Variants in CDK10 observed in about 807,000 individuals in gnomAD.
CDK10 encodes the protein cyclin dependent kinase 10.
In CDK10, 55 loss-of-function variants were observed where a neutral mutation model predicts 51.0. The observed-to-expected ratio is 1.08, with a 90% CI of 0.87 to 1.35. The LOEUF is 1.35. CDK10 is among the 40% of genes most tolerant of loss of function. The pLI, the probability that CDK10 is intolerant of heterozygous loss-of-function variation, is 0.00. For synonymous variants in CDK10, 255 were observed against 199.1 expected (o/e 1.28, Z -2.36); for missense variants, 589 against 485.1 (o/e 1.21, Z -2.01).
chr16:89,687,046 C>T (rs1307856362), intron 1 of CDK10: 2 of 407,868 alleles, frequency 4.9e-6, no homozygotes, highest in East Asian at 4.0e-5. Flanking sequence ...GAGAGACGGG[C>T]CCGGGACTTG....
chr16:89,692,463 G>A lies in CDK10; in HGVS notation c.432G>A (p.Val144=). The change falls in exon 6 of 13, where the codon GTG becomes GTA. Residue 144 remains valine, a synonymous_variant. Transcript: ENST00000353379. The part of the protein sequence containing the change: ...PFSEAQVKCI[V]LQVLRGLQYL... ...CCTCTGCACAGGTCAAGTGCATCGT[G>A]CTGCAGGTGCTCCGGGGCCTCCAGT... is the stretch of plus-strand genomic sequence containing the variant. 2 of 1,595,962 alleles carry A rather than the reference G, an allele frequency of 1.3e-6. No individual in the cohort carries two copies. Among genetic ancestry groups the A allele is most frequent in the Non-Finnish European group, 1.7e-6 (2 of 1,170,994 alleles).
chr16:89,695,314 G>A lies in CDK10; in HGVS notation c.954G>A (p.Leu318=), dbSNP rs774866959. The A allele has an allele frequency of 1.9e-6, 3 of 1,612,330 alleles. No homozygotes were observed. Among genetic ancestry groups the A allele is most frequent in the Non-Finnish European group, 2.5e-6 (3 of 1,179,052 alleles). ...PKKRATAGDC[L]ESSYFKEKPL... ...CCAGGGCGACGGCCGGGGACTGCCT[G>A]GAGAGCTCCTATTTCAAGGAGAAGC... The change falls in exon 12 of 13, where the codon CTG becomes CTA. Residue 318 remains leucine (L), a synonymous_variant. Coordinates refer to ENST00000353379, the MANE Select transcript of CDK10 (RefSeq NM_052988.5).
intron 1 of CDK10, among the ~76,000 whole-genome samples, chr16:89,688,435 A>G (rs1416011198): frequency 6.6e-6 from 1 of 151,930 alleles, no homozygotes; most frequent in African/African-American, 2.4e-5. Context: ...TAGTTCAGAG[A>G]CCCCAAAATA....
intron 12 of CDK10, 95 bp downstream of exon 12, chr16:89,695,440 C>A: frequency 6.8e-7 from 1 of 1,479,626 alleles, no homozygotes; most frequent in South Asian, 1.2e-5. Flanking sequence ...GCTGCCCTCA[C>A]TGACGGCACA....
At chr16:89,694,605 T>C in intron 9 of CDK10, 60 bp from the exon 10 acceptor site, 1 of 1,552,406 alleles carries the variant, frequency 6.4e-7, no homozygotes, top group Non-Finnish European at 8.7e-7. Flanking sequence ...GGTCCTCTGT[T>C]CCTCGCGCTG....
At chr16:89,694,632 T>C (rs2060615781) in intron 9 of CDK10, 33 bp from the exon 10 acceptor site, 9 of 1,569,444 alleles carry the variant, frequency 5.7e-6, no homozygotes, top group Non-Finnish European at 7.8e-6. Flanking sequence ...TCAGCAGACG[T>C]CTGGCCGCAG....
rs1277819444 is a variant in CDK10 at position 89,693,269 on chromosome 16, C to T, written c.486-5C>T. On this transcript the variant is annotated splice_polypyrimidine_tract_variant and splice_region_variant and intron_variant, in intron 6 of 12. Transcript: ENST00000353379. ...GAGCCACCTGCCACTGTTTTTCCAT[C>T]ACAGGGACCTGAAGGTTTCCAACTT... is the stretch of plus-strand genomic sequence containing the variant. 6.2e-7 allele frequency: 1 copy of T among 1,613,974 alleles called. No homozygotes were observed. Among genetic ancestry groups the T allele is most frequent in the Non-Finnish European group, 8.5e-7 (1 of 1,180,020 alleles).
chr16:89,687,080 G>C (rs2151550559), intron 1 of CDK10: 1 of 315,072 alleles, frequency 3.2e-6, no homozygotes, highest in East Asian at 5.4e-5. Flanking sequence ...CCGGGATCCA[G>C]CTCGGGCGCT....
intron 3 of CDK10, 146 bp downstream of exon 3, chr16:89,690,770 C>T (rs539522801): frequency 1.4e-6 from 1 of 720,152 alleles, no homozygotes; most frequent in African/African-American, 1.7e-5. Context: ...AGCACATCAC[C>T]CCCAGGTCCA....
Position 89,694,217 on chromosome 16 carries a change from C to T in CDK10, c.653C>T (p.Thr218Ile), listed in dbSNP as rs768939104. The T allele has an allele frequency of 2.5e-6, 4 of 1,613,826 alleles. No individual in the cohort carries two copies. The highest frequency in any genetic ancestry group is 2.7e-5 in the African/African-American group (2 of 74,886). The change falls in exon 9 of 13, where the codon ACC becomes ATC. Residue 218 changes from threonine to isoleucine, a missense_variant. Transcript: ENST00000353379. Reference sequence around the variant, plus strand: ...CTGTTGGGAACCACCACGCAGACCACCAGCATCGACATGTGGTGAGGAGAT... The same window carrying T: ...CTGTTGGGAACCACCACGCAGACCATCAGCATCGACATGTGGTGAGGAGAT... ...ELLLGTTTQT[T>I]SIDMWAVGCI...
rs1032135086 is a variant in CDK10 at position 89,687,275 on chromosome 16, C to G, written c.87+478C>G. 6.6e-5 allele frequency: 22 copies of G among 333,834 alleles called. 1 individual carries two copies. The East Asian group carries it at 9.3e-4, about 14-fold the overall frequency. 20.7% of individuals were successfully genotyped at this position (333,834 alleles called of 1,614,324 possible). Reference sequence around the variant, plus strand: ...CTGGGCGCGTCCCTTGCGGAGGTGCCGGTGCCTCCCTCTGCAGAGACCAGG... The same window carrying G: ...CTGGGCGCGTCCCTTGCGGAGGTGCGGGTGCCTCCCTCTGCAGAGACCAGG... On this transcript the variant is annotated intron_variant, in intron 1 of 12. Coordinates refer to ENST00000353379, the MANE Select transcript of CDK10 (RefSeq NM_052988.5).
Position 89,687,973 on chromosome 16 carries a change from A to T in CDK10, c.87+1176A>T, listed in dbSNP as rs564601965. 2.0e-5 allele frequency among the ~76,000 whole-genome samples: 3 copies of T among 149,088 alleles called. No individual in the cohort carries two copies. The East Asian group carries it at 6.3e-4, about 31-fold the overall frequency. ...ACACCTGTAATCTCAGCAATCTGGG[A>T]GGCTGAGGTGGGAGGATTGCTTGAG... is the stretch of plus-strand genomic sequence containing the variant. On this transcript the variant is annotated intron_variant, in intron 1 of 12. Transcript: ENST00000353379.
At chr16:89,690,791 C>T (rs62068364) in intron 3 of CDK10, among the ~76,000 whole-genome samples, 167 bp downstream of exon 3, 60,137 of 151,902 alleles carry the variant, frequency 0.4, 13,708 homozygotes, top group African/African-American at 0.61. Flanking sequence ...CACGCAGCCT[C>T]AGCTGTCTGC....
Position 89,688,548 on chromosome 16 carries a change from C to T in CDK10, c.88-704C>T, listed in dbSNP as rs187236178. ...AGGCATTCTGGTTCCATTTTTTCTT[C>T]CCGTCACTGAGGTGAGAAGAGGTGA... On this transcript the variant is annotated intron_variant, in intron 1 of 12. Coordinates refer to ENST00000353379, the MANE Select transcript of CDK10 (RefSeq NM_052988.5). 6.6e-5 allele frequency among the ~76,000 whole-genome samples: 10 copies of T among 152,214 alleles called. No homozygotes were observed. In the East Asian group the frequency reaches 1.7e-3, roughly 26 times the overall value.
intron 2 of CDK10, 106 bp downstream of exon 2, chr16:89,689,430 C>G (rs1370233155): frequency 1.1e-6 from 1 of 928,164 alleles, no homozygotes; most frequent in Non-Finnish European, 1.8e-6. Context: ...GACTCAGACC[C>G]TGTGCTCTGA....
chr16:89,689,210 C>G, intron 1 of CDK10, 42 bp from the exon 2 acceptor site: 1 of 1,583,230 alleles, frequency 6.3e-7, no homozygotes, highest in East Asian at 2.2e-5. Context: ...GTTGTTCCAT[C>G]AGCTGCCAAA....
intron 1 of CDK10, chr16:89,687,110 C>G: frequency 3.9e-6 from 1 of 253,632 alleles, no homozygotes; most frequent in Non-Finnish European, 7.4e-6. Flanking sequence ...AGCGCCCGAG[C>G]TGGGCTTTGC....
chr16:89,691,922 G>A, intron 5 of CDK10, 35 bp downstream of exon 5: 1 of 1,558,560 alleles, frequency 6.4e-7, no homozygotes, highest in Non-Finnish European at 8.8e-7. Flanking sequence ...GGGGGAATGG[G>A]CTTCATGGGC....
intron 2 of CDK10, 142 bp downstream of exon 2, chr16:89,689,466 C>T (rs2060346211): frequency 1.5e-6 from 1 of 674,792 alleles, no homozygotes; most frequent in African/African-American, 1.8e-5. Flanking sequence ...TGTTCAGGAA[C>T]TTCAATTCCT....
Sources: allele counts gnomAD v4.1 joint callset (sites outside exome capture counted in the v4.1 genomes callset), GRCh38; gene constraint gnomAD v4.1.1; transcripts MANE v1.5; gene names NCBI Gene and HGNC (gene_info 2026-07-23, HGNC 2026-07-21).